Variants in CLUAP1 observed in about 807,000 individuals in gnomAD.
CLUAP1 encodes clusterin-associated protein 1.
CLUAP1 carries 50 observed loss-of-function variants against 55.0 expected under a neutral mutation model. That is an observed-to-expected ratio of 0.91 (90% confidence interval 0.72 to 1.15). The LOEUF (loss-of-function observed/expected upper bound fraction) is 1.15. CLUAP1 is among the 50% of genes most tolerant of loss of function. CLUAP1 has a pLI of 0.00. For missense variants in CLUAP1, 530 were observed against 507.6 expected (o/e 1.04, Z -0.42); for synonymous variants, 195 against 175.4 (o/e 1.11, Z -0.88).
intron 4 of CLUAP1, among the ~76,000 whole-genome samples, chr16:3,510,243 C>A (rs938775629): frequency 6.6e-6 from 1 of 152,272 alleles, no homozygotes; most frequent in Admixed American, 6.5e-5. Context: ...ATCTGCCCGC[C>A]TCAGCCTCCC....
chr16:3,525,913 A>T (rs1411398074), intron 8 of CLUAP1, among the ~76,000 whole-genome samples: 1 of 152,012 alleles, frequency 6.6e-6, no homozygotes, highest in African/African-American at 2.4e-5. Context: ...TTATGATCTG[A>T]GATATTTCCT....
chr16:3,536,398 A>G lies in CLUAP1; in HGVS notation c.*127A>G. ...GGCTGGACTCATGATCACTGAAGCA[A>G]TACTTATTTCTGCTTTAGCCTCCTA... On this transcript the variant is annotated 3_prime_UTR_variant, in exon 12 of 12. Coordinates refer to ENST00000576634, the MANE Select transcript of CLUAP1 (RefSeq NM_015041.3). 2 of 965,144 alleles carry G rather than the reference A, an allele frequency of 2.1e-6. No homozygotes were observed. Among genetic ancestry groups the G allele is most frequent in the Non-Finnish European group, 3.1e-6 (2 of 652,678 alleles). The allele number at this position is 965,144 out of a possible 1,614,324, so 59.8% of individuals were successfully genotyped here. A position where few individuals can be genotyped will look rare whatever the true frequency, so the allele number is the denominator to read the frequency against.
chr16:3,521,713 A>G (rs2037838529), intron 7 of CLUAP1, among the ~76,000 whole-genome samples: 1 of 151,456 alleles, frequency 6.6e-6, no homozygotes, highest in Non-Finnish European at 1.5e-5. Context: ...GATTACAGGC[A>G]TGAGTCATCA....
chr16:3,526,410 A>G lies in CLUAP1; in HGVS notation c.856-2A>G, dbSNP rs1426662087. 1.3e-6 allele frequency: 2 copies of G among 1,599,184 alleles called. No homozygotes were observed. The highest frequency in any genetic ancestry group is 2.3e-5 in the East Asian group (1 of 44,340). Reference sequence around the variant, plus strand: ...CCTGAGTCTGTATTTCCTCTTCCACAGGAAGCTAAAAACACTCTCTGCCTG... The same window carrying G: ...CCTGAGTCTGTATTTCCTCTTCCACGGGAAGCTAAAAACACTCTCTGCCTG... On this transcript the variant is annotated splice_acceptor_variant, in intron 8 of 11. Transcript: ENST00000576634. LOFTEE classifies it high-confidence loss of function.
chr16:3,516,239 C>T (rs1596391923), intron 6 of CLUAP1, among the ~76,000 whole-genome samples: 1 of 152,168 alleles, frequency 6.6e-6, no homozygotes, highest in African/African-American at 2.4e-5. Context: ...TCAGTCATCA[C>T]TGGTGATTTA....
chr16:3,519,722 T>G (rs1017727824), intron 6 of CLUAP1, among the ~76,000 whole-genome samples, 181 bp from the exon 7 acceptor site: 2 of 152,208 alleles, frequency 1.3e-5, no homozygotes, highest in Non-Finnish European at 2.9e-5. Flanking sequence ...TCTGGACCTG[T>G]GTGACATTCT....
upstream of CLUAP1, among the ~76,000 whole-genome samples, chr16:3,500,583 C>T (rs923283049): frequency 1.3e-5 from 2 of 152,138 alleles, no homozygotes. Context: ...GTTGGCCAGG[C>T]TGGTCTCGAA....
chr16:3,500,797 A>G, upstream of CLUAP1: 1 of 543,670 alleles, frequency 1.8e-6, no homozygotes, highest in Admixed American at 3.3e-5. Context: ...CAAAGCGTGT[A>G]AACAGACGCC....
In CLUAP1 at chr16:3,513,518, C is replaced by G. The variant is rs562718338; in HGVS notation, c.495+1040C>G. Among the ~76,000 whole-genome samples the G allele has an allele frequency of 8.6e-4, 131 of 152,182 alleles. 4 individuals carry two copies. The South Asian group carries it at 0.011, about 13-fold the overall frequency. The stretch of plus-strand genomic sequence containing the variant: ...AGGCTGGAGTGCGGTGGCTCAATCT[C>G]GGCTCACTAAAACCTCCGCCTCCCA... On this transcript the variant is annotated intron_variant, in intron 5 of 11. Transcript: ENST00000576634.
chr16:3,513,062 CTT>C (rs1360947011), intron 5 of CLUAP1, among the ~76,000 whole-genome samples: 1 of 152,176 alleles, frequency 6.6e-6, no homozygotes, highest in Admixed American at 6.5e-5. Flanking sequence ...CACTGGCAGA[CTT>C]TATTGATCAT....
intron 4 of CLUAP1, among the ~76,000 whole-genome samples, chr16:3,510,278 G>A (rs897748657): frequency 6.6e-6 from 1 of 151,838 alleles, no homozygotes; most frequent in African/African-American, 2.4e-5. Flanking sequence ...ACAGGCGTGA[G>A]CCACCGCACC....
At chr16:3,506,628 G>A (rs546537019) in intron 3 of CLUAP1, among the ~76,000 whole-genome samples, 5 of 151,910 alleles carry the variant, frequency 3.3e-5, no homozygotes, top group African/African-American at 9.7e-5. Context: ...TCAGCCTCCC[G>A]AGTAGCTAGG....
chr16:3,533,394 C>T lies in CLUAP1; in HGVS notation c.1092+553C>T, dbSNP rs980028820. 3.5e-5 allele frequency: 19 copies of T among 542,310 alleles called. No homozygotes were observed. In the South Asian group the frequency reaches 3.8e-4, roughly 11 times the overall value. The allele number at this position is 542,310 out of a possible 1,614,324, so 33.6% of individuals were successfully genotyped here. On this transcript the variant is annotated intron_variant, in intron 11 of 11. Transcript: ENST00000576634. The stretch of plus-strand genomic sequence containing the variant: ...CCATCCTCAGGCCCTGGGCCGCCAC[C>T]TAGAAATGAAGGAGGACGCCGAGGG...
At chr16:3,519,627 C>A (rs2037795502) in intron 6 of CLUAP1, among the ~76,000 whole-genome samples, 1 of 152,194 alleles carries the variant, frequency 6.6e-6, no homozygotes, top group Non-Finnish European at 1.5e-5. Flanking sequence ...TCCACCTTGA[C>A]CAGGACACTC....
chr16:3,536,156 A>T lies in CLUAP1; in HGVS notation c.1127A>T (p.Asp376Val). 6.2e-7 allele frequency: 1 copy of T among 1,614,200 alleles called. No homozygotes were observed. Among genetic ancestry groups the T allele is most frequent in the Non-Finnish European group, 8.5e-7 (1 of 1,180,050 alleles). The change falls in exon 12 of 12, where the codon GAT becomes GTT. Residue 376 changes from aspartate (D) to valine (V), a missense_variant. Physicochemically the swap from Asp to Val is radical, Grantham distance 152 (BLOSUM62 -3). Coordinates refer to ENST00000576634, the MANE Select transcript of CLUAP1 (RefSeq NM_015041.3). ...DSEESEIDME[D>V]DDDEDDDLED... is the part of the protein sequence containing the mutation. ...GAGGAGAGTGAAATTGACATGGAAGATGATGATGACGAGGATGACGATTTG... is the reference window on the plus strand; with the variant it reads ...GAGGAGAGTGAAATTGACATGGAAGTTGATGATGACGAGGATGACGATTTG...
intron 11 of CLUAP1, chr16:3,533,574 A>G (rs1046175861): frequency 5.4e-6 from 1 of 186,132 alleles, no homozygotes; most frequent in African/African-American, 2.3e-5. Context: ...GGAGCACTTA[A>G]GCAAAAGGGG....
intron 4 of CLUAP1, among the ~76,000 whole-genome samples, chr16:3,511,684 G>C (rs1416398713): frequency 6.6e-6 from 1 of 152,168 alleles, no homozygotes; most frequent in African/African-American, 2.4e-5. Context: ...ATGCCCTCCT[G>C]GTTGTGGCTT....
intron 9 of CLUAP1, among the ~76,000 whole-genome samples, chr16:3,527,846 T>G (rs2037977700): frequency 6.6e-6 from 1 of 152,162 alleles, no homozygotes. Flanking sequence ...AAGGGCCCCC[T>G]GTCCAGTGGA....
At chr16:3,523,760 T>A (rs1271489170) in intron 8 of CLUAP1, among the ~76,000 whole-genome samples, 2 of 152,100 alleles carry the variant, frequency 1.3e-5, no homozygotes, top group Non-Finnish European at 2.9e-5. Flanking sequence ...AGGTCAGGAG[T>A]TTGAGACCAG....
Sources: gnomAD v4.1 joint callset for allele counts (sites outside exome capture counted in the v4.1 genomes callset) on GRCh38, gnomAD v4.1.1 for gene constraint, MANE v1.5 for transcripts, NCBI Gene and HGNC (gene_info 2026-07-23, HGNC 2026-07-21) for gene names.